Variants in IMMP2L observed in about 807,000 individuals in gnomAD.
IMMP2L encodes inner mitochondrial membrane peptidase subunit 2.
In IMMP2L, 18 loss-of-function variants were observed where a neutral mutation model predicts 19.3. The ratio of observed to expected loss-of-function variants is 0.93; its 90% CI spans 0.64 to 1.38. The LOEUF (loss-of-function observed/expected upper bound fraction) is 1.38, where lower values mean the gene tolerates loss of function less well. Ranked by LOEUF, IMMP2L falls within the 40% of genes most tolerant of loss-of-function variation. IMMP2L has a pLI of 0.00. For synonymous variants in IMMP2L, 76 were observed against 73.0 expected (o/e 1.04, Z -0.21); for missense variants, 233 against 218.2 (o/e 1.07, Z -0.43).
chr7:111,285,553 A>G (rs927032290), intron 3 of IMMP2L, among the ~76,000 whole-genome samples: 1 of 152,172 alleles, frequency 6.6e-6, no homozygotes, highest in Admixed American at 6.5e-5. Context: ...GCAATTCAGA[A>G]TCATACAAGA....
intron 3 of IMMP2L, among the ~76,000 whole-genome samples, chr7:111,109,468 GGT>G (rs1275233489): frequency 6.6e-6 from 1 of 152,062 alleles, no homozygotes. Context: ...TAGACATGAA[GGT>G]GTTTCATTAA....
intron 5 of IMMP2L, among the ~76,000 whole-genome samples, chr7:110,865,835 A>G (rs1807925448): frequency 6.6e-6 from 1 of 151,544 alleles, no homozygotes; most frequent in South Asian, 2.1e-4. Context: ...CCCTACCTTT[A>G]TTCTCCAAAC....
At chr7:111,315,377 TA>T (rs1429757679) in intron 3 of IMMP2L, among the ~76,000 whole-genome samples, 2 of 151,916 alleles carry the variant, frequency 1.3e-5, no homozygotes, top group Non-Finnish European at 2.9e-5. Flanking sequence ...TACTAAAAAG[TA>T]TTTATCTGAA....
chr7:111,362,637 C>T (rs550442446), intron 3 of IMMP2L, among the ~76,000 whole-genome samples: 1 of 152,130 alleles, frequency 6.6e-6, no homozygotes, highest in African/African-American at 2.4e-5. Flanking sequence ...AACTCAATTA[C>T]ATCTCCCTTA....
chr7:110,703,657 A>G (rs1408811130), intron 5 of IMMP2L, among the ~76,000 whole-genome samples: 1 of 152,184 alleles, frequency 6.6e-6, no homozygotes, highest in East Asian at 1.9e-4. Context: ...AAAGAAATTC[A>G]CAGTATCATT....
chr7:111,269,896 T>C (rs1312405371), intron 3 of IMMP2L, among the ~76,000 whole-genome samples: 1 of 152,132 alleles, frequency 6.6e-6, no homozygotes, highest in Non-Finnish European at 1.5e-5. Flanking sequence ...GAAGCTCTTA[T>C]CATGTTCTGA....
chr7:111,037,600 A>G (rs6958325), intron 3 of IMMP2L, among the ~76,000 whole-genome samples: 25,720 of 152,068 alleles, frequency 0.17, 2,413 homozygotes, highest in South Asian at 0.26. Flanking sequence ...CCAGCAAGGT[A>G]ACTGTGAAAT....
intron 3 of IMMP2L, among the ~76,000 whole-genome samples, chr7:111,432,819 A>C (rs538806377): frequency 2.0e-5 from 3 of 151,488 alleles, no homozygotes; most frequent in Admixed American, 1.3e-4. Flanking sequence ...CACCAAAAAA[A>C]CCTTAGATTT....
intron 3 of IMMP2L, among the ~76,000 whole-genome samples, chr7:111,303,935 A>C (rs1183490050): frequency 6.6e-6 from 1 of 152,126 alleles, no homozygotes; most frequent in Non-Finnish European, 1.5e-5. Context: ...GAACAGAATA[A>C]AATACCCTAT....
intron 3 of IMMP2L, among the ~76,000 whole-genome samples, chr7:111,111,192 T>C (rs1799148968): frequency 6.6e-6 from 1 of 152,006 alleles, no homozygotes; most frequent in Non-Finnish European, 1.5e-5. Flanking sequence ...AAGAACTCTT[T>C]TTCTCCATTA....
At chr7:111,421,958 C>A (rs776158584) in intron 3 of IMMP2L, among the ~76,000 whole-genome samples, 12 of 151,834 alleles carry the variant, frequency 7.9e-5, no homozygotes, top group Non-Finnish European at 1.6e-4. Context: ...GTTTTCCCAG[C>A]ACCATTTATT....
intron 5 of IMMP2L, among the ~76,000 whole-genome samples, chr7:110,743,755 G>A (rs1341913545): frequency 6.6e-6 from 1 of 152,174 alleles, no homozygotes; most frequent in Non-Finnish European, 1.5e-5. Flanking sequence ...CCCAGATACT[G>A]TGCTTTCCCC....
rs1044596483 is a variant in IMMP2L, at chr7:110,963,572, C to T, written c.240-7G>A. 3.2e-6 allele frequency: 5 copies of T among 1,553,170 alleles called. No homozygotes were observed. In the African/African-American group the frequency reaches 6.8e-5, roughly 21 times the overall value. On this transcript the variant is annotated splice_region_variant and splice_polypyrimidine_tract_variant and intron_variant, in intron 3 of 5. Transcript: ENST00000405709. ...TTCTGGGTTTTTAGGAGACCTAGAA[C>T]AAGAAGATAACATTATACAATCAGT...
intron 3 of IMMP2L, among the ~76,000 whole-genome samples, chr7:111,101,230 T>C (rs1008286741): frequency 6.6e-6 from 1 of 151,590 alleles, no homozygotes; most frequent in African/African-American, 2.4e-5. Context: ...TTACCACTTA[T>C]TCATTTAGAC....
intron 5 of IMMP2L, among the ~76,000 whole-genome samples, chr7:110,802,906 C>G (rs1584878161): frequency 6.6e-6 from 1 of 152,136 alleles, no homozygotes; most frequent in East Asian, 1.9e-4. Context: ...AAGGATAACT[C>G]TAGGTGTGGT....
intron 5 of IMMP2L, among the ~76,000 whole-genome samples, chr7:110,793,637 T>C (rs1163837327): frequency 2.0e-5 from 3 of 152,076 alleles, no homozygotes; most frequent in Non-Finnish European, 4.4e-5. Flanking sequence ...TGCAGTTATG[T>C]AGAATGAGTA....
intron 3 of IMMP2L, among the ~76,000 whole-genome samples, chr7:111,431,652 T>C (rs6966635): frequency 0.011 from 1,656 of 151,856 alleles, 84 homozygotes; most frequent in African/African-American, 0.037. Flanking sequence ...GTAGAAATAA[T>C]TGAAGATCAC....
intron 3 of IMMP2L, among the ~76,000 whole-genome samples, chr7:111,227,404 T>C (rs1813221647): frequency 1.3e-5 from 2 of 152,134 alleles, no homozygotes; most frequent in Admixed American, 6.6e-5. Flanking sequence ...GGAAGTAGAA[T>C]ATATTATAGG....
intron 2 of IMMP2L, among the ~76,000 whole-genome samples, chr7:111,508,808 T>A (rs1358229788): frequency 6.6e-6 from 1 of 152,178 alleles, no homozygotes; most frequent in African/African-American, 2.4e-5. Context: ...ATAGGCAAGT[T>A]CTCAATCCAG....
Sources: gnomAD v4.1 joint callset for allele counts (sites outside exome capture counted in the v4.1 genomes callset) on GRCh38, gnomAD v4.1.1 for gene constraint, MANE v1.5 for transcripts, NCBI Gene and HGNC (gene_info 2026-07-23, HGNC 2026-07-21) for gene names.